The following LARP1B variants were observed in gnomAD, a reference collection of about 807,000 sequenced individuals.
LARP1B encodes the protein la-related protein 1B.
LARP1B carries 76 observed loss-of-function variants against 114.2 expected under a neutral mutation model. That is an observed-to-expected ratio of 0.67 (90% CI 0.55 to 0.81). The LOEUF (loss-of-function observed/expected upper bound fraction) is 0.81, where lower values mean the gene tolerates loss of function less well. LARP1B is among the 30% of genes least tolerant of loss of function. LARP1B has a pLI of 0.00. For missense variants in LARP1B, 1,014 were observed against 1,075.8 expected (o/e 0.94, Z 0.80); for synonymous variants, 345 against 348.0 (o/e 0.99, Z 0.10).
rs1758946831 is a variant in LARP1B at position 128,211,298 on chromosome 4, T to C, written c.*1245T>C. 1.0e-6 allele frequency: 1 copy of C among 969,882 alleles called. No individual in the cohort carries two copies. The highest frequency in any genetic ancestry group is 1.1e-4 in the East Asian group (1 of 8,764). The allele number at this position is 969,882 out of a possible 1,614,324, so 60.1% of individuals were successfully genotyped here. A position where few individuals can be genotyped will look rare whatever the true frequency, so the allele number is the denominator to read the frequency against. The stretch of plus-strand genomic sequence containing the variant: ...CATAATTTACAGATATTTTGTTGTA[T>C]TGGCAAAAGCAAGTGGTTTCCATAT... On this transcript the variant is annotated 3_prime_UTR_variant, in exon 20 of 20. Transcript: ENST00000326639.
intron 11 of LARP1B, among the ~76,000 whole-genome samples, chr4:128,144,702 A>T (rs1387608396): frequency 6.6e-6 from 1 of 152,012 alleles, no homozygotes; most frequent in Non-Finnish European, 1.5e-5. Flanking sequence ...CTTAAACTTC[A>T]CTAATTTTTG....
At position 128,135,321 on chromosome 4, in the gene LARP1B, G is replaced by A. The variant is rs1222582019; in HGVS notation, c.1524+13133G>A. 6.6e-5 allele frequency among the ~76,000 whole-genome samples: 10 copies of A among 152,120 alleles called. 1 individual carries two copies. On this transcript the variant is annotated intron_variant, in intron 11 of 19. Transcript: ENST00000326639. ...AAATTAGACCCTTGCGAACTCTCATGTGAATGTAAAATGGTGCAGCCCTTA... is the reference window on the plus strand; with the variant it reads ...AAATTAGACCCTTGCGAACTCTCATATGAATGTAAAATGGTGCAGCCCTTA...
chr4:128,141,995 A>T (rs13138581), intron 11 of LARP1B, among the ~76,000 whole-genome samples: 5 of 151,990 alleles, frequency 3.3e-5, no homozygotes, highest in Admixed American at 6.5e-5. Flanking sequence ...AAAGGTGGAC[A>T]TGCTGTACAC....
At chr4:128,066,360 A>G (rs1258582681) in intron 1 of LARP1B, among the ~76,000 whole-genome samples, 5 of 150,836 alleles carry the variant, frequency 3.3e-5, no homozygotes, top group Non-Finnish European at 7.4e-5. Flanking sequence ...GTATTATTTT[A>G]GTAGAGACGG....
Position 128,208,333 on chromosome 4 carries a change from A to C in LARP1B, c.2547+950A>C, listed in dbSNP as rs1166197654. On this transcript the variant is annotated intron_variant, in intron 19 of 19. Coordinates refer to ENST00000326639, the MANE Select transcript of LARP1B (RefSeq NM_018078.4). Reference sequence around the variant, plus strand: ...ACAGAATGAGACTCTGTCTCAAAAAAAAAAAAAAAAGGGAAGAAGAAAAAT... The same window carrying C: ...ACAGAATGAGACTCTGTCTCAAAAACAAAAAAAAAAGGGAAGAAGAAAAAT... Among the ~76,000 whole-genome samples, 9 of 152,150 alleles carry C rather than the reference A, an allele frequency of 5.9e-5. 1 individual carries two copies. In the South Asian group the frequency reaches 1.5e-3, roughly 25 times the overall value.
intron 12 of LARP1B, among the ~76,000 whole-genome samples, chr4:128,165,237 G>A (rs999572611): frequency 4.0e-5 from 6 of 151,370 alleles, no homozygotes; most frequent in African/African-American, 1.2e-4. Flanking sequence ...CTAGTTGGTC[G>A]GTATGAGTGT....
chr4:128,150,251 A>T (rs772710757), intron 11 of LARP1B, among the ~76,000 whole-genome samples: 1 of 152,176 alleles, frequency 6.6e-6, no homozygotes, highest in Non-Finnish European at 1.5e-5. Context: ...TATGACCCAT[A>T]AAGGGACACA....
intron 12 of LARP1B, among the ~76,000 whole-genome samples, chr4:128,168,153 C>CA (rs1291226016): frequency 2.0e-5 from 3 of 152,096 alleles, no homozygotes; most frequent in Non-Finnish European, 2.9e-5. Context: ...TTGGATCATA[C>CA]AGTAAGTATA....
At chr4:128,107,962 T>C in intron 9 of LARP1B, 1 of 1,532,712 alleles carries the variant, frequency 6.5e-7, no homozygotes. Flanking sequence ...CTGAAATGCC[T>C]TTATAAATAC....
At chr4:128,169,910 T>C (rs1473197740) in intron 12 of LARP1B, among the ~76,000 whole-genome samples, 1 of 152,214 alleles carries the variant, frequency 6.6e-6, no homozygotes, top group African/African-American at 2.4e-5. Context: ...GTGCTGGGAT[T>C]ACAGGCATGA....
intron 12 of LARP1B, among the ~76,000 whole-genome samples, chr4:128,165,686 C>T (rs1740499884): frequency 6.6e-6 from 1 of 152,078 alleles, no homozygotes; most frequent in African/African-American, 2.4e-5. Context: ...CCTCCACATC[C>T]CAAATCAGCT....
chr4:128,150,642 T>C (rs1486837137), intron 11 of LARP1B, among the ~76,000 whole-genome samples: 1 of 151,792 alleles, frequency 6.6e-6, no homozygotes, highest in Non-Finnish European at 1.5e-5. Flanking sequence ...GCAGAGAAAA[T>C]TGCTTGAACC....
chr4:128,112,172 G>A (rs1044802133), intron 9 of LARP1B, among the ~76,000 whole-genome samples: 2 of 151,986 alleles, frequency 1.3e-5, no homozygotes, highest in Admixed American at 1.3e-4. Flanking sequence ...AAGTTACAGA[G>A]CACCACTGTC....
chr4:128,172,491 G>A (rs975901364), intron 12 of LARP1B, among the ~76,000 whole-genome samples: 5 of 152,112 alleles, frequency 3.3e-5, no homozygotes, highest in African/African-American at 1.2e-4. Flanking sequence ...TCAGGAGTTC[G>A]AGACCAGCCT....
rs1420564580 is a variant in LARP1B, at chr4:128,179,302, C to A, written c.1897-104C>A. The A allele has an allele frequency of 8.1e-6, 5 of 618,498 alleles. No individual in the cohort carries two copies. In the African/African-American group the frequency reaches 9.4e-5, roughly 12 times the overall value. 38.3% of individuals were successfully genotyped at this position (618,498 alleles called of 1,614,324 possible). A position where few individuals can be genotyped will look rare whatever the true frequency, so the allele number is the denominator to read the frequency against. ...ATATGATTTCACAATGTGTTATCTA[C>A]AGTATGAAAATGTTTGAGTTCATTT... On this transcript the variant is annotated intron_variant, in intron 14 of 19. Coordinates refer to ENST00000326639, the MANE Select transcript of LARP1B (RefSeq NM_018078.4).
intron 12 of LARP1B, among the ~76,000 whole-genome samples, chr4:128,163,317 TGTTA>T (rs1424941104): frequency 6.6e-6 from 1 of 152,162 alleles, no homozygotes; most frequent in African/African-American, 2.4e-5. Flanking sequence ...TATCTATAAC[TGTTA>T]GTTCAGCATA....
At chr4:128,101,110 G>C (rs922535223) in intron 8 of LARP1B, among the ~76,000 whole-genome samples, 3 of 150,516 alleles carry the variant, frequency 2.0e-5, no homozygotes, top group Admixed American at 6.6e-5. Flanking sequence ...GAGCCACCGC[G>C]CCTGGCTTCA....
intron 12 of LARP1B, among the ~76,000 whole-genome samples, chr4:128,163,177 T>G (rs1024150151): frequency 1.3e-5 from 2 of 152,142 alleles, no homozygotes; most frequent in African/African-American, 4.8e-5. Flanking sequence ...ATTTTTTGCC[T>G]TATAATTTAT....
At chr4:128,216,739 A>G (rs1759514132), downstream of LARP1B, among the ~76,000 whole-genome samples, 3 of 152,090 alleles carry the variant, frequency 2.0e-5, no homozygotes, top group South Asian at 6.2e-4. Flanking sequence ...AAAGAACTAG[A>G]GAAGCAAGAG....
Sources: allele counts gnomAD v4.1 joint callset (sites outside exome capture counted in the v4.1 genomes callset), GRCh38; gene constraint gnomAD v4.1.1; transcripts MANE v1.5; gene names NCBI Gene and HGNC (gene_info 2026-07-23, HGNC 2026-07-21).